The following RASGEF1A variants were observed in gnomAD, a reference collection of about 807,000 sequenced individuals.
RASGEF1A encodes the protein RasGEF domain family member 1A, also known as ras-GEF domain-containing family member 1A.
In RASGEF1A, 18 loss-of-function variants were observed where a neutral mutation model predicts 56.4. The observed-to-expected ratio is 0.32, with a 90% CI of 0.22 to 0.47. RASGEF1A has a LOEUF of 0.47. Among genes scored for constraint, RASGEF1A ranks in the 20% least tolerant of loss-of-function variants. RASGEF1A has a pLI of 1.00. For synonymous variants in RASGEF1A, 245 were observed against 242.6 expected (o/e 1.01, Z -0.09); for missense variants, 422 against 627.1 (o/e 0.67, Z 3.49).
intron 1 of RASGEF1A, among the ~76,000 whole-genome samples, chr10:43,249,096 G>C (rs1413668380): frequency 6.6e-6 from 1 of 152,202 alleles, no homozygotes; most frequent in Non-Finnish European, 1.5e-5. Flanking sequence ...AGACACTCCA[G>C]GCAACAGAGG....
chr10:43,256,124 A>C (rs182029635), intron 1 of RASGEF1A, among the ~76,000 whole-genome samples: 3 of 152,236 alleles, frequency 2.0e-5, no homozygotes, highest in Non-Finnish European at 4.4e-5. Flanking sequence ...GAGTGAACTG[A>C]CTTTAGGGAG....
rs546017001 is a variant in RASGEF1A, at chr10:43,229,830, G to C, written c.-6-23708C>G. 4 of 1,017,954 alleles carry C rather than the reference G, an allele frequency of 3.9e-6. No homozygotes were observed. The African/African-American group carries it at 6.8e-5, about 17-fold the overall frequency. The allele number at this position is 1,017,954 out of a possible 1,614,324, so 63.1% of individuals were successfully genotyped here. A position where few individuals can be genotyped will look rare whatever the true frequency, so the allele number is the denominator to read the frequency against. On this transcript the variant is annotated intron_variant, in intron 1 of 12. Coordinates refer to ENST00000395810, the MANE Select transcript of RASGEF1A (RefSeq NM_145313.4). ...ACCGAGGGGCTGGGCTGGGGACCGC[G>C]GGGTCCGGGCGGGGCAGAGGGGCCG... is the stretch of plus-strand genomic sequence containing the variant.
chr10:43,221,586 G>A (rs1417064433), intron 1 of RASGEF1A, among the ~76,000 whole-genome samples: 1 of 152,240 alleles, frequency 6.6e-6, no homozygotes, highest in African/African-American at 2.4e-5. Flanking sequence ...GACAGCAGGG[G>A]GAGCCAGCCA....
At position 43,261,587 on chromosome 10, in the gene RASGEF1A, G is replaced by A. The variant is rs932381822; in HGVS notation, c.-7+5258C>T. Among the ~76,000 whole-genome samples, 11 of 152,254 alleles carry A rather than the reference G, an allele frequency of 7.2e-5. No individual in the cohort carries two copies. The East Asian group carries it at 7.7e-4, about 11-fold the overall frequency. ...AGTAATTAACTCATGAAAGCATCAG[G>A]GCACCCCCAGAACTCCCAACCTCAT... On this transcript the variant is annotated intron_variant, in intron 1 of 12. Transcript: ENST00000395810.
intron 1 of RASGEF1A, chr10:43,208,084 G>T (rs1282996586): frequency 8.1e-6 from 8 of 985,330 alleles, no homozygotes; most frequent in African/African-American, 1.7e-5. Context: ...ACCCCTTGTT[G>T]CCCACAGCTG....
chr10:43,232,509 T>C (rs1164022998), intron 1 of RASGEF1A, among the ~76,000 whole-genome samples: 1 of 135,928 alleles, frequency 7.4e-6, no homozygotes, highest in African/African-American at 2.7e-5. Flanking sequence ...TTTTTGGAGA[T>C]GGAGTCTCCC....
chr10:43,252,189 G>A (rs1045313346), intron 1 of RASGEF1A, among the ~76,000 whole-genome samples: 1 of 152,228 alleles, frequency 6.6e-6, no homozygotes, highest in Admixed American at 6.5e-5. Context: ...ACTCCTGTGT[G>A]TGCACGGTAC....
At chr10:43,245,006 T>G (rs1202352938) in intron 1 of RASGEF1A, among the ~76,000 whole-genome samples, 1 of 151,838 alleles carries the variant, frequency 6.6e-6, no homozygotes, top group African/African-American at 2.4e-5. Flanking sequence ...TTGAGAAAGT[T>G]AATGAAAAAC....
At chr10:43,202,542 T>A (rs1839917427) in intron 3 of RASGEF1A, 3 of 451,582 alleles carry the variant, frequency 6.6e-6, no homozygotes, top group African/African-American at 2.0e-5. Context: ...CGCGCCCCCA[T>A]CCTCCAATCC....
chr10:43,266,589 A>G (rs1012261309), intron 1 of RASGEF1A, among the ~76,000 whole-genome samples: 3 of 149,464 alleles, frequency 2.0e-5, no homozygotes, highest in African/African-American at 7.4e-5. Context: ...GAAGGGGCGG[A>G]GGGTGCAGGG....
At chr10:43,252,497 G>C (rs1335477614) in intron 1 of RASGEF1A, among the ~76,000 whole-genome samples, 1 of 152,058 alleles carries the variant, frequency 6.6e-6, no homozygotes, top group Non-Finnish European at 1.5e-5. Context: ...GGCCTGCCTG[G>C]GAAGGAAGGG....
chr10:43,219,954 G>A (rs1199185232), intron 1 of RASGEF1A, among the ~76,000 whole-genome samples: 2 of 152,168 alleles, frequency 1.3e-5, no homozygotes, highest in East Asian at 1.9e-4. Context: ...ATGGGGGTAG[G>A]GGAAGGGGGC....
intron 1 of RASGEF1A, among the ~76,000 whole-genome samples, chr10:43,228,471 G>C (rs983385488): frequency 2.0e-5 from 3 of 152,200 alleles, no homozygotes; most frequent in African/African-American, 7.2e-5. Flanking sequence ...TGGAGTACTG[G>C]GCTGGGGCAT....
At chr10:43,200,121 T>G in intron 6 of RASGEF1A, 61 bp downstream of exon 6, 1 of 1,381,012 alleles carries the variant, frequency 7.2e-7, no homozygotes, top group Non-Finnish European at 1.0e-6. Flanking sequence ...CCACCCTGCA[T>G]GGAGCGCAAG....
chr10:43,261,126 A>T (rs1836520766), intron 1 of RASGEF1A, among the ~76,000 whole-genome samples: 1 of 152,032 alleles, frequency 6.6e-6, no homozygotes. Flanking sequence ...CCCCTCTGGG[A>T]AGTGGTTCTG....
chr10:43,210,557 G>A (rs977535288), intron 1 of RASGEF1A, among the ~76,000 whole-genome samples: 17 of 152,216 alleles, frequency 1.1e-4, no homozygotes, highest in Non-Finnish European at 2.2e-4. Context: ...CAAAGACACC[G>A]TGCCTGACCC....
At chr10:43,240,985 T>C (rs1420870937) in intron 1 of RASGEF1A, among the ~76,000 whole-genome samples, 3 of 152,120 alleles carry the variant, frequency 2.0e-5, no homozygotes, top group South Asian at 2.1e-4. Context: ...TGCAGCAAAA[T>C]TGTCATTCAA....
chr10:43,211,189 G>A (rs186324432), intron 1 of RASGEF1A, among the ~76,000 whole-genome samples: 332 of 152,326 alleles, frequency 2.2e-3, no homozygotes, highest in Middle Eastern at 0.01. Context: ...ACGCAGGGCC[G>A]GTGGACACAA....
chr10:43,238,147 C>G (rs1840456507), intron 1 of RASGEF1A, among the ~76,000 whole-genome samples: 1 of 108,052 alleles, frequency 9.3e-6, no homozygotes, highest in Non-Finnish European at 1.9e-5. Context: ...GAGGGTTTGC[C>G]ATCACAGAGT....
Sources: allele counts gnomAD v4.1 joint callset (sites outside exome capture counted in the v4.1 genomes callset), GRCh38; gene constraint gnomAD v4.1.1; transcripts MANE v1.5; gene names NCBI Gene and HGNC (gene_info 2026-07-23, HGNC 2026-07-21).